The following FARS2 variants were observed in gnomAD, a reference collection of about 807,000 sequenced individuals.
The protein encoded by FARS2 is phenylalanyl-tRNA synthetase 2, mitochondrial.
Under a neutral mutation model 46.4 loss-of-function variants are expected in FARS2, and 40 were observed. The observed-to-expected ratio is 0.86, with a 90% confidence interval of 0.67 to 1.12. FARS2 has a LOEUF of 1.12. Among genes scored for constraint, FARS2 ranks in the 50% most tolerant of loss-of-function variants. The pLI is 0.00. For missense variants in FARS2, 513 were observed against 567.9 expected, an observed-to-expected ratio of 0.90 and a Z score of 0.98; for synonymous variants, 234 against 214.9, an observed-to-expected ratio of 1.09 and a Z score of -0.78.
At chr6:5,452,532 C>T (rs537843039) in intron 4 of FARS2, 1 of 152,384 alleles carries the variant, frequency 6.6e-6, no homozygotes, top group East Asian at 1.9e-4. Flanking sequence ...CAAACCATGC[C>T]ATGGTTTGCA....
chr6:5,528,680 T>C (rs1420997253), intron 4 of FARS2, among the ~76,000 whole-genome samples: 1 of 152,186 alleles, frequency 6.6e-6, no homozygotes, highest in Non-Finnish European at 1.5e-5. Context: ...ACTTATGCTC[T>C]TCACATCCTT....
chr6:5,462,192 A>G (rs1011279896), intron 4 of FARS2, among the ~76,000 whole-genome samples: 23 of 152,118 alleles, frequency 1.5e-4, no homozygotes, highest in Admixed American at 9.2e-4. Flanking sequence ...AGCCATTTGT[A>G]TATATTTTCT....
At chr6:5,330,163 A>T (rs1201358049) in intron 1 of FARS2, among the ~76,000 whole-genome samples, 2 of 152,198 alleles carry the variant, frequency 1.3e-5, no homozygotes, top group South Asian at 4.1e-4. Context: ...GGCTGCTCCT[A>T]TTATCCCTAT....
intron 1 of FARS2, among the ~76,000 whole-genome samples, chr6:5,308,658 C>T (rs1180543948): frequency 2.6e-5 from 4 of 152,154 alleles, no homozygotes; most frequent in African/African-American, 9.7e-5. Flanking sequence ...TCAGGTGGAC[C>T]CCACTTTGAT....
intron 4 of FARS2, 43 bp from the exon 5 acceptor site, chr6:5,545,137 C>A (rs1440757942): frequency 4.4e-6 from 7 of 1,600,300 alleles, no homozygotes; most frequent in Non-Finnish European, 6.0e-6. Flanking sequence ...CCTATCCAAT[C>A]TCGATACTTT....
At chr6:5,700,788 T>A (rs1212803291) in intron 6 of FARS2, among the ~76,000 whole-genome samples, 5 of 152,132 alleles carry the variant, frequency 3.3e-5, no homozygotes, top group African/African-American at 9.7e-5. Context: ...CTTGACCTCT[T>A]TATTACCTTT....
At chr6:5,289,623 C>A (rs769610372) in intron 1 of FARS2, among the ~76,000 whole-genome samples, 3 of 152,060 alleles carry the variant, frequency 2.0e-5, no homozygotes. Context: ...CAAATGAAGA[C>A]TTGGCCTGTG....
At chr6:5,308,214 T>C (rs1768854344) in intron 1 of FARS2, among the ~76,000 whole-genome samples, 1 of 151,674 alleles carries the variant, frequency 6.6e-6, no homozygotes, top group Non-Finnish European at 1.5e-5. Context: ...GAAGCCAGGG[T>C]GCCTGGATGT....
chr6:5,668,014 GCC>G (rs1294482702), intron 6 of FARS2: 1 of 152,324 alleles, frequency 6.6e-6, no homozygotes, highest in African/African-American at 2.4e-5. Flanking sequence ...TTACTTCGTA[GCC>G]CACTTTCCTT....
At chr6:5,713,132 G>A (rs1298255463) in intron 6 of FARS2, among the ~76,000 whole-genome samples, 1 of 152,174 alleles carries the variant, frequency 6.6e-6, no homozygotes, top group African/African-American at 2.4e-5. Context: ...TTGTGATTTT[G>A]TCTTTAAACT....
chr6:5,430,043 A>T (rs998905345), intron 3 of FARS2, among the ~76,000 whole-genome samples: 1 of 152,136 alleles, frequency 6.6e-6, no homozygotes, highest in Non-Finnish European at 1.5e-5. Context: ...TTTGATTCCC[A>T]CAAGATTTAA....
intron 3 of FARS2, among the ~76,000 whole-genome samples, chr6:5,419,388 G>A (rs950428345): frequency 1.8e-4 from 27 of 152,120 alleles, no homozygotes; most frequent in African/African-American, 6.3e-4. Flanking sequence ...TATTTGTTCT[G>A]CTGGCTGTAT....
rs578156607 is a variant in FARS2, at chr6:5,524,820, G to A, written c.905-20360G>A. On this transcript the variant is annotated intron_variant, in intron 4 of 6. Transcript: ENST00000274680. ...GTGCTCTTAACTCGTCTACTCTTTCGATAGGTGAATAGTGTGTGATTAAGC... is the reference window on the plus strand; with the variant it reads ...GTGCTCTTAACTCGTCTACTCTTTCAATAGGTGAATAGTGTGTGATTAAGC... 9.8e-5 allele frequency among the ~76,000 whole-genome samples: 15 copies of A among 152,320 alleles called. No homozygotes were observed. The East Asian group carries it at 1.5e-3, about 16-fold the overall frequency.
chr6:5,285,066 C>T (rs1767010239), intron 1 of FARS2, among the ~76,000 whole-genome samples: 2 of 152,122 alleles, frequency 1.3e-5, no homozygotes, highest in South Asian at 4.1e-4. Context: ...TCTAAGAAGC[C>T]AGGTAGCAAG....
intron 6 of FARS2, among the ~76,000 whole-genome samples, chr6:5,750,981 T>C (rs967308841): frequency 4.6e-5 from 7 of 152,096 alleles, no homozygotes; most frequent in African/African-American, 7.2e-5. Flanking sequence ...CATTTTCCCA[T>C]GCTAAGGTGA....
intron 6 of FARS2, among the ~76,000 whole-genome samples, chr6:5,677,586 C>G (rs1314292824): frequency 3.3e-5 from 5 of 151,568 alleles, no homozygotes; most frequent in African/African-American, 1.2e-4. Flanking sequence ...AGTGGCCTTG[C>G]AGTGATGCTT....
intron 5 of FARS2, among the ~76,000 whole-genome samples, chr6:5,596,742 C>G (rs1221025158): frequency 6.6e-6 from 1 of 152,068 alleles, no homozygotes; most frequent in African/African-American, 2.4e-5. Context: ...TGTGAGATAC[C>G]CTGCAAGTCG....
At chr6:5,753,105 G>A (rs1762037509) in intron 6 of FARS2, among the ~76,000 whole-genome samples, 1 of 152,170 alleles carries the variant, frequency 6.6e-6, no homozygotes, top group Non-Finnish European at 1.5e-5. Flanking sequence ...CTTGTTTTAG[G>A]CACCTAAAAT....
At position 5,351,732 on chromosome 6, in the gene FARS2, T is replaced by C. The variant is rs149252438; in HGVS notation, c.-21-16818T>C. Among the ~76,000 whole-genome samples, 599 of 152,314 alleles carry C rather than the reference T, an allele frequency of 3.9e-3. 6 individuals carry two copies. Among genetic ancestry groups the C allele is most frequent in the African/African-American group, 0.014 (572 of 41,558 alleles). ...ACGTACATACAAAATAAAGATGATA[T>C]CATGAGATGTGAGTAATTTTTAGCT... On this transcript the variant is annotated intron_variant, in intron 1 of 6. Transcript: ENST00000274680.
Sources: allele counts gnomAD v4.1 joint callset (sites outside exome capture counted in the v4.1 genomes callset), GRCh38; gene constraint gnomAD v4.1.1; transcripts MANE v1.5; gene names NCBI Gene and HGNC (gene_info 2026-07-23, HGNC 2026-07-21).